Variants in CHL1 observed in about 807,000 individuals in gnomAD.
CHL1 encodes neural cell adhesion molecule L1-like protein.
CHL1 carries 96 observed loss-of-function variants against 141.9 expected under a neutral mutation model. The ratio of observed to expected loss-of-function variants is 0.68; its 90% CI spans 0.57 to 0.80. The LOEUF (loss-of-function observed/expected upper bound fraction) is 0.80, where lower values mean the gene tolerates loss of function less well. Ranked by LOEUF, CHL1 falls within the 30% of genes least tolerant of loss-of-function variation. The pLI is 0.00. For missense variants in CHL1, 1,820 were observed against 1,457.2 expected, an observed-to-expected ratio of 1.25 and a Z score of -4.05; for synonymous variants, 613 against 502.2, an observed-to-expected ratio of 1.22 and a Z score of -2.95.
Position 361,709 on chromosome 3 carries a change from A to G in CHL1, c.1317A>G (p.Pro439=), listed in dbSNP as rs1324948726. The G allele has an allele frequency of 6.8e-6, 11 of 1,610,890 alleles. No homozygotes were observed. The highest frequency in any genetic ancestry group is 5.0e-5 in the Admixed American group (3 of 59,934). ...GTTATTTTCAAATAGATGTCCGTCC[A>G]TTGATACAAACCAAAGATGGAGAAA... ...NANIDVVDVR[P]LIQTKDGENY... Residue 439 remains proline, a synonymous_variant, in exon 13 of 28, where the codon CCA becomes CCG. Coordinates refer to ENST00000256509, the MANE Select transcript of CHL1 (RefSeq NM_006614.4).
chr3:348,413 A>G (rs919843), intron 9 of CHL1, among the ~76,000 whole-genome samples: 134,612 of 152,230 alleles, frequency 0.88, 61,866 homozygotes, highest in East Asian at 1. Flanking sequence ...CACTTATAGA[A>G]CCTGACTGGG....
At chr3:220,621 T>C (rs1204101827) in intron 1 of CHL1, among the ~76,000 whole-genome samples, 2 of 152,080 alleles carry the variant, frequency 1.3e-5, no homozygotes, top group African/African-American at 2.4e-5. Flanking sequence ...CCTATGCATG[T>C]AGAATGCTAT....
At chr3:360,057 A>G (rs1704083726) in intron 11 of CHL1, among the ~76,000 whole-genome samples, 1 of 152,202 alleles carries the variant, frequency 6.6e-6, no homozygotes, top group African/African-American at 2.4e-5. Flanking sequence ...ATGAGCAGAT[A>G]TTTTGTTGCT....
chr3:384,487 C>G (rs531985710), intron 19 of CHL1: 17 of 152,224 alleles, frequency 1.1e-4, no homozygotes, highest in African/African-American at 4.1e-4. Flanking sequence ...TCACTTTTTC[C>G]TCCTTTACAT....
chr3:367,783 C>T (rs1216538237), intron 15 of CHL1, among the ~76,000 whole-genome samples: 2 of 152,110 alleles, frequency 1.3e-5, no homozygotes, highest in African/African-American at 4.8e-5. Context: ...TCTAAGTTCC[C>T]TCCCCTTGCC....
chr3:252,363 T>TAG (rs1553596112), intron 2 of CHL1, among the ~76,000 whole-genome samples: 3 of 100,414 alleles, frequency 3.0e-5, no homozygotes, highest in African/African-American at 7.6e-5. Flanking sequence ...AGCATCCAGA[T>TAG]ATATATATAT....
chr3:227,048 T>C (rs1289241206), intron 1 of CHL1, among the ~76,000 whole-genome samples: 1 of 152,206 alleles, frequency 6.6e-6, no homozygotes, highest in Non-Finnish European at 1.5e-5. Context: ...AATGAATGTT[T>C]ATGCTTGATA....
chr3:270,822 C>T (rs1695569948), intron 2 of CHL1, among the ~76,000 whole-genome samples: 2 of 152,206 alleles, frequency 1.3e-5, no homozygotes, highest in African/African-American at 2.4e-5. Flanking sequence ...ACGTCTGCTG[C>T]CAACTGGGAG....
intron 9 of CHL1, among the ~76,000 whole-genome samples, chr3:347,671 A>T (rs1319119428): frequency 6.6e-6 from 1 of 152,226 alleles, no homozygotes; most frequent in East Asian, 1.9e-4. Flanking sequence ...GTTCCAGAGC[A>T]GCCTATAACT....
chr3:240,932 C>T (rs1692499737), intron 1 of CHL1, among the ~76,000 whole-genome samples: 1 of 152,106 alleles, frequency 6.6e-6, no homozygotes, highest in Non-Finnish European at 1.5e-5. Context: ...TTTCTGGGTT[C>T]TCTATTCTGT....
chr3:276,378 G>T (rs191498951), intron 2 of CHL1, among the ~76,000 whole-genome samples: 11 of 152,292 alleles, frequency 7.2e-5, no homozygotes, highest in African/African-American at 2.6e-4. Context: ...TTTTTGAGGA[G>T]TTGGAGATAG....
chr3:389,232 A>C lies in CHL1; in HGVS notation c.2248-20A>C. On this transcript the variant is annotated intron_variant, in intron 19 of 27. Transcript: ENST00000256509. ...AACACATCTGTGATCAGACTAAATG[A>C]GTCTTGCCTTCTGTTTTAGCCTTTG... 6.4e-7 allele frequency: 1 copy of C among 1,566,518 alleles called. No homozygotes were observed. Among genetic ancestry groups the C allele is most frequent in the Non-Finnish European group, 8.7e-7 (1 of 1,151,920 alleles).
chr3:269,470 C>T (rs1695445406), intron 2 of CHL1, among the ~76,000 whole-genome samples: 2 of 152,102 alleles, frequency 1.3e-5, no homozygotes, highest in Non-Finnish European at 2.9e-5. Context: ...CCTACATTCT[C>T]GCCTTTCAGC....
At position 226,015 on chromosome 3, in the gene CHL1, AGAG is replaced by A. The variant is rs778840965; in HGVS notation, c.-174-18597_-174-18595del. 2.2e-5 allele frequency among the ~76,000 whole-genome samples: 3 copies of A among 133,636 alleles called. 1 individual carries two copies. Among genetic ancestry groups the A allele is most frequent in the African/African-American group, 8.3e-5 (3 of 36,032 alleles). The allele number at this position is 133,636 out of a possible 152,430, so 87.7% of individuals were successfully genotyped here. ...CAGAATGAGACTCTGTCTAAAAAAAAGAGACACGTTAATCTTAACTTTTTTTGA... is the reference window on the plus strand; with the variant it reads ...CAGAATGAGACTCTGTCTAAAAAAAAACACGTTAATCTTAACTTTTTTTGA... On this transcript the variant is annotated intron_variant, in intron 1 of 27. Coordinates refer to ENST00000256509, the MANE Select transcript of CHL1 (RefSeq NM_006614.4).
chr3:330,907 C>T (rs1372701695), intron 5 of CHL1, among the ~76,000 whole-genome samples: 1 of 151,974 alleles, frequency 6.6e-6, no homozygotes, highest in Non-Finnish European at 1.5e-5. Context: ...AGAAACAGAC[C>T]ATCACATGTG....
chr3:367,867 A>G (rs537667395), intron 15 of CHL1, among the ~76,000 whole-genome samples: 1 of 151,610 alleles, frequency 6.6e-6, no homozygotes, highest in East Asian at 1.9e-4. Context: ...TTCTTCTCCC[A>G]CATGTTTGCT....
intron 12 of CHL1, 84 bp downstream of exon 12, chr3:360,508 G>C (rs1704131090): frequency 7.5e-7 from 1 of 1,333,024 alleles, no homozygotes; most frequent in Non-Finnish European, 1.0e-6. Context: ...ATTAACTCTT[G>C]ACACATAATA....
intron 15 of CHL1, among the ~76,000 whole-genome samples, chr3:374,888 T>C (rs937282864): frequency 3.9e-5 from 6 of 152,228 alleles, no homozygotes; most frequent in African/African-American, 1.4e-4. Context: ...CCGGAAGCTT[T>C]AACCTAAAGG....
chr3:406,040 T>G lies in CHL1; in HGVS notation c.*329T>G, dbSNP rs566249775. The G allele has an allele frequency of 2.5e-5, 6 of 242,778 alleles. No individual in the cohort carries two copies. Among genetic ancestry groups the G allele is most frequent in the African/African-American group, 1.1e-4 (5 of 43,580 alleles). The allele number at this position is 242,778 out of a possible 1,614,324, so 15.0% of individuals were successfully genotyped here. A position where few individuals can be genotyped will look rare whatever the true frequency, so the allele number is the denominator to read the frequency against. On this transcript the variant is annotated 3_prime_UTR_variant, in exon 28 of 28. Transcript: ENST00000256509. ...GCCTGATTTTACTATTCGGTGTGTT[T>G]GCATAGATGTTGCTACTTGGTGGGT...
Sources: allele counts gnomAD v4.1 joint callset (sites outside exome capture counted in the v4.1 genomes callset), GRCh38; gene constraint gnomAD v4.1.1; transcripts MANE v1.5; gene names NCBI Gene and HGNC (gene_info 2026-07-23, HGNC 2026-07-21).